GRIP1: variants seen among roughly 807,000 people sequenced by gnomAD.
GRIP1 encodes glutamate receptor-interacting protein 1.
Under a neutral mutation model 129.9 loss-of-function variants are expected in GRIP1, and 45 were observed. The ratio of observed to expected loss-of-function variants is 0.35; its 90% CI spans 0.27 to 0.44. GRIP1 has a LOEUF of 0.44. Among genes scored for constraint, GRIP1 ranks in the 20% least tolerant of loss-of-function variants. GRIP1 has a pLI of 1.00. For missense variants in GRIP1, 1,196 were observed against 1,396.8 expected, an observed-to-expected ratio of 0.86 and a Z score of 2.29; for synonymous variants, 530 against 520.8, an observed-to-expected ratio of 1.02 and a Z score of -0.24.
intron 1 of GRIP1, among the ~76,000 whole-genome samples, chr12:66,839,954 C>A (rs183485773): frequency 9.7e-4 from 148 of 152,232 alleles, no homozygotes; most frequent in African/African-American, 3.3e-3. Context: ...TATAGGTAGC[C>A]ATTATAATCA....
At chr12:66,676,435 C>T (rs1375002783) in intron 1 of GRIP1, among the ~76,000 whole-genome samples, 4 of 152,128 alleles carry the variant, frequency 2.6e-5, no homozygotes, top group African/African-American at 4.8e-5. Context: ...AAGCAAACTT[C>T]CCCCTGCTAA....
intron 2 of GRIP1, among the ~76,000 whole-genome samples, chr12:66,565,997 C>T (rs927466710): frequency 1.3e-5 from 2 of 152,180 alleles, no homozygotes; most frequent in African/African-American, 4.8e-5. Context: ...GCTGAAGTTG[C>T]TTATCAGCTT....
intron 1 of GRIP1, among the ~76,000 whole-genome samples, chr12:66,781,778 A>G (rs1441630859): frequency 6.6e-6 from 1 of 152,222 alleles, no homozygotes; most frequent in Non-Finnish European, 1.5e-5. Flanking sequence ...AGGAGGCTGC[A>G]TGAAGGTTTT....
At chr12:66,835,425 C>T (rs537422937) in intron 1 of GRIP1, among the ~76,000 whole-genome samples, 10 of 152,244 alleles carry the variant, frequency 6.6e-5, no homozygotes, top group African/African-American at 2.4e-4. Flanking sequence ...ATTGCCAGAA[C>T]TTGGAATGTT....
At chr12:66,612,307 T>C (rs1338313041) in intron 1 of GRIP1, among the ~76,000 whole-genome samples, 1 of 152,144 alleles carries the variant, frequency 6.6e-6, no homozygotes, top group Admixed American at 6.6e-5. Context: ...GCTATAAACC[T>C]ATACAGCATG....
At chr12:66,865,909 T>C (rs2040197265) in intron 1 of GRIP1, among the ~76,000 whole-genome samples, 1 of 152,160 alleles carries the variant, frequency 6.6e-6, no homozygotes, top group South Asian at 2.1e-4. Flanking sequence ...TCCTTCTATA[T>C]GTAACTCTCC....
At chr12:66,977,807 A>ATTTTTTTTTTTTTTT (rs200381983) in intron 1 of GRIP1, among the ~76,000 whole-genome samples, 1 of 60,256 alleles carries the variant, frequency 1.7e-5, no homozygotes, top group African/African-American at 7.0e-5. Flanking sequence ...AGAGCTGAGC[A>ATTTTTTTTTTTTTTT]TTTTTTTTTT....
chr12:66,470,242 A>G (rs1019529849), intron 7 of GRIP1, among the ~76,000 whole-genome samples: 7 of 152,136 alleles, frequency 4.6e-5, no homozygotes, highest in Non-Finnish European at 8.8e-5. Context: ...CATGGTCTAC[A>G]AGGACCTGCA....
At chr12:66,748,764 A>G (rs2037032482) in intron 1 of GRIP1, among the ~76,000 whole-genome samples, 1 of 152,152 alleles carries the variant, frequency 6.6e-6, no homozygotes, top group South Asian at 2.1e-4. Flanking sequence ...ATTGAGTCTG[A>G]AAAGATTGAG....
At chr12:66,885,546 C>T (rs1308104624) in intron 1 of GRIP1, among the ~76,000 whole-genome samples, 1 of 152,040 alleles carries the variant, frequency 6.6e-6, no homozygotes, top group Admixed American at 6.6e-5. Context: ...GTGAAGTCAG[C>T]AGAGACAGGC....
At chr12:66,534,597 A>G (rs1363900003) in intron 4 of GRIP1, among the ~76,000 whole-genome samples, 1 of 151,926 alleles carries the variant, frequency 6.6e-6, no homozygotes, top group Non-Finnish European at 1.5e-5. Context: ...GGCCTCATCT[A>G]TCTCCAAGCC....
chr12:66,443,881 T>TTTAAA (rs2058541044), intron 13 of GRIP1, among the ~76,000 whole-genome samples: 1 of 152,314 alleles, frequency 6.6e-6, no homozygotes, highest in African/African-American at 2.4e-5. Flanking sequence ...ACTGGGCTTG[T>TTTAAA]TTAAATACAC....
At chr12:66,477,665 T>C (rs550473383) in intron 7 of GRIP1, among the ~76,000 whole-genome samples, 5 of 152,212 alleles carry the variant, frequency 3.3e-5, no homozygotes, top group Non-Finnish European at 5.9e-5. Flanking sequence ...AGCATGGTAC[T>C]GGTACCAAAA....
intron 1 of GRIP1, among the ~76,000 whole-genome samples, chr12:66,918,133 T>C (rs2041156905): frequency 6.6e-6 from 1 of 151,572 alleles, no homozygotes; most frequent in African/African-American, 2.4e-5. Context: ...GAGGAGCCAA[T>C]GATTCATTAC....
At chr12:67,061,178 T>A (rs1047670917) in intron 1 of GRIP1, among the ~76,000 whole-genome samples, 1 of 152,232 alleles carries the variant, frequency 6.6e-6, no homozygotes, top group African/African-American at 2.4e-5. Flanking sequence ...TGAAATTTTT[T>A]AATAAAAATT....
At chr12:66,484,103 C>T (rs181579441) in intron 7 of GRIP1, among the ~76,000 whole-genome samples, 2,555 of 152,200 alleles carry the variant, frequency 0.017, 32 homozygotes, top group Middle Eastern at 0.068. Flanking sequence ...TCGTGATCCG[C>T]CCGCCTCGGC....
chr12:66,879,767 C>T (rs1315430104), intron 1 of GRIP1, among the ~76,000 whole-genome samples: 2 of 151,972 alleles, frequency 1.3e-5, no homozygotes, highest in African/African-American at 4.8e-5. Context: ...TTTCTTAAAC[C>T]GTATGTGCCA....
intron 1 of GRIP1, among the ~76,000 whole-genome samples, chr12:66,619,217 C>T (rs2065166232): frequency 1.3e-5 from 2 of 152,044 alleles, no homozygotes; most frequent in African/African-American, 4.8e-5. Context: ...ATAGGGTGAG[C>T]AGCAAGCAGC....
Position 66,679,007 on chromosome 12 carries a change from G to C in GRIP1, c.-103C>G. 2 of 1,591,060 alleles carry C rather than the reference G, an allele frequency of 1.3e-6. No homozygotes were observed. The highest frequency in any genetic ancestry group is 1.7e-6 in the Non-Finnish European group (2 of 1,167,828). On this transcript the variant is annotated 5_prime_UTR_variant, in exon 1 of 25. Coordinates refer to ENST00000359742, the MANE Select transcript of GRIP1 (RefSeq NM_001366722.1). The stretch of plus-strand genomic sequence containing the variant: ...TTCCTTGCGCACATACCAGGAGAAA[G>C]GTAGTCCCAGTGGGGAGTGACAAAG...
Sources: gnomAD v4.1 joint callset for allele counts (sites outside exome capture counted in the v4.1 genomes callset) on GRCh38, gnomAD v4.1.1 for gene constraint, MANE v1.5 for transcripts, NCBI Gene and HGNC (gene_info 2026-07-23, HGNC 2026-07-21) for gene names.